Variants in NELL1 observed in about 807,000 individuals in gnomAD.
NELL1 encodes neural EGFL like 1, also known as protein kinase C-binding protein NELL1.
In NELL1, 76 loss-of-function variants were observed where a neutral mutation model predicts 107.4. The observed-to-expected ratio is 0.71, with a 90% confidence interval of 0.59 to 0.86. NELL1 has a LOEUF of 0.86. Ranked by LOEUF, NELL1 falls within the 40% of genes least tolerant of loss-of-function variation. The pLI is 0.00. For missense variants in NELL1, 1,024 were observed against 1,005.5 expected, an observed-to-expected ratio of 1.02 and a Z score of -0.25; for synonymous variants, 353 against 341.2, an observed-to-expected ratio of 1.03 and a Z score of -0.38.
At chr11:21,277,182 G>A (rs1391857297) in intron 14 of NELL1, among the ~76,000 whole-genome samples, 2 of 151,996 alleles carry the variant, frequency 1.3e-5, no homozygotes, top group Non-Finnish European at 2.9e-5. Context: ...AATCTACAAT[G>A]AACTCAAACA....
intron 2 of NELL1, among the ~76,000 whole-genome samples, chr11:20,757,512 CCCT>C (rs2133953491): frequency 6.6e-6 from 1 of 152,326 alleles, no homozygotes; most frequent in African/African-American, 2.4e-5. Context: ...TGCTTTCTGA[CCCT>C]ATATACATAC....
intron 2 of NELL1, among the ~76,000 whole-genome samples, chr11:20,776,573 G>A (rs1327771067): frequency 6.6e-6 from 1 of 152,050 alleles, no homozygotes; most frequent in Non-Finnish European, 1.5e-5. Context: ...GATAAATAAA[G>A]ACAGGAACCT....
chr11:20,976,522 T>C (rs1172956660), intron 12 of NELL1, among the ~76,000 whole-genome samples: 1 of 152,222 alleles, frequency 6.6e-6, no homozygotes, highest in Non-Finnish European at 1.5e-5. Context: ...TTATTCCATT[T>C]TTCCTAAGAA....
At chr11:21,232,160 AT>A (rs368811233) in intron 14 of NELL1, among the ~76,000 whole-genome samples, 18,488 of 74,074 alleles carry the variant, frequency 0.25, 1,717 homozygotes, top group East Asian at 0.52. Flanking sequence ...AAAAAAAAAA[AT>A]ATATATATAT....
At chr11:20,839,004 G>A (rs1449075942) in intron 3 of NELL1, among the ~76,000 whole-genome samples, 1 of 152,112 alleles carries the variant, frequency 6.6e-6, no homozygotes, top group African/African-American at 2.4e-5. Flanking sequence ...TTATTTGCAG[G>A]CCTTGACAAT....
chr11:21,384,701 G>T (rs996205469), intron 15 of NELL1, among the ~76,000 whole-genome samples: 13 of 151,852 alleles, frequency 8.6e-5, no homozygotes, highest in African/African-American at 2.4e-4. Context: ...GCGGTGTTTG[G>T]TTTTTTGTTC....
intron 12 of NELL1, among the ~76,000 whole-genome samples, chr11:21,048,332 A>C (rs1165171940): frequency 6.6e-6 from 1 of 152,046 alleles, no homozygotes; most frequent in Non-Finnish European, 1.5e-5. Flanking sequence ...GTTTCCTAGG[A>C]AGTTATCTGT....
chr11:21,331,592 G>A (rs772470185), intron 14 of NELL1, among the ~76,000 whole-genome samples: 32 of 152,044 alleles, frequency 2.1e-4, no homozygotes, highest in Non-Finnish European at 4.0e-4. Flanking sequence ...ATACACTCAG[G>A]TATTAGTGTT....
intron 14 of NELL1, among the ~76,000 whole-genome samples, chr11:21,264,271 T>C (rs1848595283): frequency 2.0e-5 from 3 of 151,864 alleles, no homozygotes; most frequent in Admixed American, 2.0e-4. Context: ...CTTTGAGTTA[T>C]TAATCTTTTT....
chr11:20,852,132 G>A (rs78091728), intron 4 of NELL1, among the ~76,000 whole-genome samples: 24 of 152,236 alleles, frequency 1.6e-4, no homozygotes, highest in Non-Finnish European at 3.2e-4. Context: ...GCTCTTAAGT[G>A]CAGTCTATCA....
At chr11:20,863,708 T>C (rs7952401) in intron 4 of NELL1, among the ~76,000 whole-genome samples, 102,098 of 151,472 alleles carry the variant, frequency 0.67, 35,153 homozygotes, top group Non-Finnish European at 0.76. Context: ...GACGGGGTGG[T>C]GACCGGGCAG....
chr11:21,536,713 C>A (rs79608911), intron 16 of NELL1, among the ~76,000 whole-genome samples: 3,310 of 151,380 alleles, frequency 0.022, 69 homozygotes, highest in East Asian at 0.077. Context: ...TCAATAAAGA[C>A]ACTCACTCTC....
At chr11:20,983,105 G>C (rs1032586292) in intron 12 of NELL1, among the ~76,000 whole-genome samples, 2 of 152,194 alleles carry the variant, frequency 1.3e-5, no homozygotes, top group African/African-American at 4.8e-5. Flanking sequence ...ACTGTGGCAA[G>C]TTATTGAGCC....
intron 5 of NELL1, among the ~76,000 whole-genome samples, chr11:20,893,333 T>C (rs1590387814): frequency 1.3e-5 from 2 of 150,188 alleles, no homozygotes; most frequent in Non-Finnish European, 3.0e-5. Flanking sequence ...ACATGTCCTA[T>C]GTCACAAACC....
In NELL1 at chr11:21,388,079, G is replaced by GT. The variant is rs34490004; in HGVS notation, c.1645+17144dup. Among the ~76,000 whole-genome samples, 894 of 147,472 alleles carry GT rather than the reference G, an allele frequency of 6.1e-3. 7 individuals carry two copies. Among genetic ancestry groups the GT allele is most frequent in the African/African-American group, 0.017 (691 of 40,420 alleles). Reference sequence around the variant, plus strand: ...TCTTGTCTGGTGTTTAAAATTCTATGTTTTTTTTTTTTTCTGGTATGCCAT... The same window carrying GT: ...TCTTGTCTGGTGTTTAAAATTCTATGTTTTTTTTTTTTTTCTGGTATGCCAT... On this transcript the variant is annotated intron_variant, in intron 15 of 19. Coordinates refer to ENST00000357134, the MANE Select transcript of NELL1 (RefSeq NM_006157.5).
At position 20,997,596 on chromosome 11, in the gene NELL1, A is replaced by G. The variant is rs531536857; in HGVS notation, c.1300+37036A>G. Among the ~76,000 whole-genome samples the G allele has an allele frequency of 5.3e-5, 8 of 152,350 alleles. No individual in the cohort carries two copies. The East Asian group carries it at 1.3e-3, about 26-fold the overall frequency. Reference sequence around the variant, plus strand: ...CCATGGTATATAAGATGTTAATATAAGGGGAAACTGTGGTAGAGGTATTCA... The same window carrying G: ...CCATGGTATATAAGATGTTAATATAGGGGGAAACTGTGGTAGAGGTATTCA... On this transcript the variant is annotated intron_variant, in intron 12 of 19. Coordinates refer to ENST00000357134, the MANE Select transcript of NELL1 (RefSeq NM_006157.5).
At chr11:21,468,750 G>C (rs1023281589) in intron 15 of NELL1, among the ~76,000 whole-genome samples, 1 of 152,046 alleles carries the variant, frequency 6.6e-6, no homozygotes, top group Admixed American at 6.6e-5. Flanking sequence ...GAGGAGCCAG[G>C]AGCCATGATG....
chr11:20,690,809 A>T (rs1210548116), intron 2 of NELL1, among the ~76,000 whole-genome samples: 53 of 148,022 alleles, frequency 3.6e-4, no homozygotes, highest in African/African-American at 1.3e-3. Context: ...GTTTTTTCCA[A>T]TTCTGTGAAG....
chr11:20,718,913 CATT>C (rs1444061010), intron 2 of NELL1, among the ~76,000 whole-genome samples: 1 of 152,112 alleles, frequency 6.6e-6, no homozygotes, highest in East Asian at 1.9e-4. Context: ...TTTACGTGTT[CATT>C]ATGGGACATC....
Sources: gnomAD v4.1 joint callset for allele counts (sites outside exome capture counted in the v4.1 genomes callset) on GRCh38, gnomAD v4.1.1 for gene constraint, MANE v1.5 for transcripts, NCBI Gene and HGNC (gene_info 2026-07-23, HGNC 2026-07-21) for gene names.